Variants in RPS6KA1 observed in about 807,000 individuals in gnomAD.
RPS6KA1 encodes the protein ribosomal protein S6 kinase alpha-1.
A neutral mutation model predicts 91.3 loss-of-function variants in RPS6KA1; 48 were observed. That is an observed-to-expected ratio of 0.53 (90% CI 0.42 to 0.67). RPS6KA1 has a LOEUF of 0.67. RPS6KA1 is among the 30% of genes least tolerant of loss of function. The probability of loss-of-function intolerance (pLI) is 0.00; values close to 1 mark genes in which losing one functional copy is unlikely to be tolerated. For missense variants in RPS6KA1, 719 were observed against 960.5 expected, an observed-to-expected ratio of 0.75 and a Z score of 3.32; for synonymous variants, 359 against 384.7, an observed-to-expected ratio of 0.93 and a Z score of 0.78.
chr1:26,543,347 T>G (rs2075963842), intron 2 of RPS6KA1: 1 of 737,588 alleles, frequency 1.4e-6, no homozygotes, highest in African/African-American at 1.7e-5. Context: ...CAGGGAGTGC[T>G]CTCAGTCAGA....
At chr1:26,548,341 G>A (rs186065073) in intron 4 of RPS6KA1, among the ~76,000 whole-genome samples, 1 of 152,280 alleles carries the variant, frequency 6.6e-6, no homozygotes, top group Non-Finnish European at 1.5e-5. Flanking sequence ...AGCTGGGAGT[G>A]GTGGTGTAGT....
At chr1:26,552,998 A>C in intron 6 of RPS6KA1, 1 of 278,808 alleles carries the variant, frequency 3.6e-6, no homozygotes, top group Non-Finnish European at 7.1e-6. Context: ...TGTAAAAAGT[A>C]CTATTCTGTA....
chr1:26,532,886 G>A (rs2075878302), intron 1 of RPS6KA1, among the ~76,000 whole-genome samples: 1 of 152,112 alleles, frequency 6.6e-6, no homozygotes, highest in African/African-American at 2.4e-5. Flanking sequence ...GAGGAGTGTG[G>A]GTCTTCAACC....
rs1381822778 is a variant in RPS6KA1, at chr1:26,561,157, G to T, written c.1431+23G>T. ...GATGTGAGTGGGGGTCCTTAAGACT[G>T]GGGTGGGGACCAGGAACTCAACTCT... On this transcript the variant is annotated intron_variant, in intron 16 of 21. Coordinates refer to ENST00000374168, the MANE Select transcript of RPS6KA1 (RefSeq NM_002953.4). The surrounding 1 kb of genome is among the most constrained non-coding windows in gnomAD (Gnocchi z 5.7). The T allele has an allele frequency of 1.3e-6, 2 of 1,590,726 alleles. No homozygotes were observed. Among genetic ancestry groups the T allele is most frequent in the South Asian group, 2.2e-5 (2 of 90,564 alleles).
chr1:26,541,593 A>G (rs1213289480), intron 2 of RPS6KA1, among the ~76,000 whole-genome samples: 3 of 152,178 alleles, frequency 2.0e-5, no homozygotes. Context: ...CAACTGCTCA[A>G]TCAGTAGGAG....
At chr1:26,552,895 A>T (rs986344845) in intron 6 of RPS6KA1, 11 of 370,692 alleles carry the variant, frequency 3.0e-5, no homozygotes, top group African/African-American at 2.2e-4. Context: ...TCCCATCTAT[A>T]GGTAAACATT....
intron 4 of RPS6KA1, among the ~76,000 whole-genome samples, chr1:26,550,597 G>A (rs1196710875): frequency 6.6e-6 from 1 of 152,218 alleles, no homozygotes; most frequent in East Asian, 1.9e-4. Context: ...GGGATTACAG[G>A]CATGAGCCAC....
chr1:26,573,959 A>G (rs2076273357), intron 21 of RPS6KA1, 120 bp from the exon 22 acceptor site: 9 of 1,256,164 alleles, frequency 7.2e-6, no homozygotes, highest in Non-Finnish European at 9.9e-6. Context: ...AACAACAAAA[A>G]CAAAACCAAA....
Position 26,574,481 on chromosome 1 carries a change from C to G in RPS6KA1, c.*280C>G. On this transcript the variant is annotated 3_prime_UTR_variant, in exon 22 of 22. Coordinates refer to ENST00000374168, the MANE Select transcript of RPS6KA1 (RefSeq NM_002953.4). The surrounding 1 kb of genome is among the most constrained non-coding windows in gnomAD (Gnocchi z 4.3). Reference sequence around the variant, plus strand: ...CAACCACCATGGATTTTTACAAGATCCATTTGCCTTTCTGGGAGCAGAAAC... The same window carrying G: ...CAACCACCATGGATTTTTACAAGATGCATTTGCCTTTCTGGGAGCAGAAAC... 1.7e-6 allele frequency: 1 copy of G among 591,356 alleles called. No individual in the cohort carries two copies. Among genetic ancestry groups the G allele is most frequent in the Non-Finnish European group, 3.3e-6 (1 of 303,242 alleles). 36.6% of individuals were successfully genotyped at this position (591,356 alleles called of 1,614,324 possible).
chr1:26,571,729 A>G lies in RPS6KA1; in HGVS notation c.1752+119A>G, dbSNP rs2076250812. ...CTCTGTGACCTTGGCCCAGCTGGCA[A>G]GGGAAGATCTAGCCTGTGCCTGGGA... On this transcript the variant is annotated intron_variant, in intron 18 of 21. Coordinates refer to ENST00000374168, the MANE Select transcript of RPS6KA1 (RefSeq NM_002953.4). This position sits in a 1 kb window ranked among gnomAD's most constrained non-coding sequence, Gnocchi z 5.1. 2.0e-6 allele frequency: 3 copies of G among 1,486,256 alleles called. No homozygotes were observed. The highest frequency in any genetic ancestry group is 2.7e-6 in the Non-Finnish European group (3 of 1,096,398). 92.1% of individuals were successfully genotyped at this position (1,486,256 alleles called of 1,614,324 possible). A position where few individuals can be genotyped will look rare whatever the true frequency, so the allele number is the denominator to read the frequency against.
At chr1:26,573,424 C>T in intron 21 of RPS6KA1, 63 bp downstream of exon 21, 1 of 1,591,800 alleles carries the variant, frequency 6.3e-7, no homozygotes, top group Non-Finnish European at 8.6e-7. Flanking sequence ...TGGTCAGGGA[C>T]TTGTGGAAGA....
chr1:26,553,286 T>G (rs2124639213), intron 6 of RPS6KA1, 105 bp from the exon 7 acceptor site: 2 of 705,696 alleles, frequency 2.8e-6, no homozygotes, highest in East Asian at 2.6e-5. Flanking sequence ...TTTCCAAGGG[T>G]CCTCCCAGGG....
chr1:26,552,927 T>C, intron 6 of RPS6KA1: 1 of 334,610 alleles, frequency 3.0e-6, no homozygotes, highest in Non-Finnish European at 5.9e-6. Flanking sequence ...CTTGTTTAAC[T>C]TTCCCATGTT....
chr1:26,574,358 GT>G lies in RPS6KA1; in HGVS notation c.*158del. 2 of 901,818 alleles carry G rather than the reference GT, an allele frequency of 2.2e-6. No homozygotes were observed. The highest frequency in any genetic ancestry group is 3.8e-6 in the Non-Finnish European group (2 of 532,314). The allele number at this position is 901,818 out of a possible 1,614,324, so 55.9% of individuals were successfully genotyped here. A position where few individuals can be genotyped will look rare whatever the true frequency, so the allele number is the denominator to read the frequency against. The stretch of plus-strand genomic sequence containing the variant: ...AACACCCCTAATGAGGGTGTGAGAA[GT>G]GCCTTCTCCTTCCCCAGGATGGACT... On this transcript the variant is annotated 3_prime_UTR_variant, in exon 22 of 22. Coordinates refer to ENST00000374168, the MANE Select transcript of RPS6KA1 (RefSeq NM_002953.4). This position sits in a 1 kb window ranked among gnomAD's most constrained non-coding sequence, Gnocchi z 4.3.
rs1290212506 is a variant in RPS6KA1, at chr1:26,554,764, A to G, written c.756+26A>G. 1.6e-5 allele frequency: 26 copies of G among 1,580,758 alleles called. No homozygotes were observed. Among genetic ancestry groups the G allele is most frequent in the Non-Finnish European group, 2.0e-5 (23 of 1,157,066 alleles). On this transcript the variant is annotated intron_variant, in intron 9 of 21. Coordinates refer to ENST00000374168, the MANE Select transcript of RPS6KA1 (RefSeq NM_002953.4). The surrounding 1 kb of genome is among the most constrained non-coding windows in gnomAD (Gnocchi z 4.6). Reference sequence around the variant, plus strand: ...GTGAGTGCCCAGACAGGGGTAAAGGATCCAGCCCAAGCCTCTGGCCTCAGT... The same window carrying G: ...GTGAGTGCCCAGACAGGGGTAAAGGGTCCAGCCCAAGCCTCTGGCCTCAGT...
intron 1 of RPS6KA1, among the ~76,000 whole-genome samples, chr1:26,533,214 G>C (rs1234076475): frequency 2.6e-5 from 4 of 152,114 alleles, no homozygotes; most frequent in Non-Finnish European, 5.9e-5. Context: ...TGAGTAGCTG[G>C]GACTACAGGC....
At position 26,558,664 on chromosome 1, in the gene RPS6KA1, G is replaced by T; in HGVS notation, c.1085-143G>T. 1 of 913,154 alleles carries T rather than the reference G, an allele frequency of 1.1e-6. No individual in the cohort carries two copies. Among genetic ancestry groups the T allele is most frequent in the Non-Finnish European group, 1.7e-6 (1 of 588,062 alleles). The allele number at this position is 913,154 out of a possible 1,614,324, so 56.6% of individuals were successfully genotyped here. The stretch of plus-strand genomic sequence containing the variant: ...CATATGAGCAGTTGGGCCAAGGCCT[G>T]TGATGGACAGGCCCTCTGCAGGCTC... On this transcript the variant is annotated intron_variant, in intron 13 of 21. Coordinates refer to ENST00000374168, the MANE Select transcript of RPS6KA1 (RefSeq NM_002953.4). This position sits in a 1 kb window ranked among gnomAD's most constrained non-coding sequence, Gnocchi z 4.0.
chr1:26,552,822 T>C (rs962119877), intron 6 of RPS6KA1: 12 of 423,466 alleles, frequency 2.8e-5, no homozygotes, highest in African/African-American at 6.2e-5. Flanking sequence ...GAATAGGTAA[T>C]ATACATGATT....
At chr1:26,552,494 T>G (rs907986390) in intron 6 of RPS6KA1, among the ~76,000 whole-genome samples, 1 of 149,866 alleles carries the variant, frequency 6.7e-6, no homozygotes, top group African/African-American at 2.5e-5. Flanking sequence ...TGTAATTTTT[T>G]TTTTTTTTTC....
Sources: allele counts gnomAD v4.1 joint callset (sites outside exome capture counted in the v4.1 genomes callset), GRCh38; gene constraint gnomAD v4.1.1; non-coding constraint Gnocchi (gnomAD v3.1); transcripts MANE v1.5; gene names NCBI Gene and HGNC (gene_info 2026-07-23, HGNC 2026-07-21).